Variants in ATG12 observed in about 807,000 individuals in gnomAD.
ATG12 encodes autophagy related 12.
In ATG12, 19 loss-of-function variants were observed where a neutral mutation model predicts 17.6. The ratio of observed to expected loss-of-function variants is 1.08; its 90% CI spans 0.75 to 1.58. The LOEUF (loss-of-function observed/expected upper bound fraction) is 1.58. ATG12 is among the 40% of genes most tolerant of loss of function. The pLI is 0.00. For missense variants in ATG12, 214 were observed against 162.0 expected (o/e 1.32, Z -1.74); for synonymous variants, 75 against 62.4 (o/e 1.20, Z -0.95).
At chr5:115,834,621 T>C (rs1376687226) in intron 2 of ATG12, among the ~76,000 whole-genome samples, 1 of 152,234 alleles carries the variant, frequency 6.6e-6, no homozygotes, top group African/African-American at 2.4e-5. Context: ...GCTCTCTGTC[T>C]AGTGGATTCC....
intron 1 of ATG12, chr5:115,838,068 A>C: frequency 4.3e-6 from 1 of 231,234 alleles, no homozygotes; most frequent in Non-Finnish European, 8.4e-6. Flanking sequence ...GCAAAGTAAA[A>C]TAATGTCATG....
At chr5:115,841,312 G>A in intron 1 of ATG12, 78 bp downstream of exon 1, 3 of 1,582,080 alleles carry the variant, frequency 1.9e-6, no homozygotes, top group Non-Finnish European at 2.6e-6. Context: ...TCTAAATTTT[G>A]CTTCTTTACT....
intron 1 of ATG12, chr5:115,838,009 G>T (rs1267539640): frequency 2.9e-6 from 1 of 347,240 alleles, no homozygotes; most frequent in East Asian, 5.4e-5. Context: ...GTTCCAAAGA[G>T]AGGAAATACA....
At chr5:115,832,969 A>C (rs7705442) in intron 2 of ATG12, 16,288 of 219,146 alleles carry the variant, frequency 0.074, 691 homozygotes, top group Non-Finnish European at 0.096. Context: ...AAGAAATTAC[A>C]TTATCGTAAA....
At chr5:115,833,671 G>C (rs982236340) in intron 2 of ATG12, 1 of 152,190 alleles carries the variant, frequency 6.6e-6, no homozygotes, top group East Asian at 1.9e-4. Flanking sequence ...AGACGTTATT[G>C]TTAAATTATC....
Position 115,832,571 on chromosome 5 carries a change from CTTTTTTTTTTTTTTTTT to C in ATG12, c.363+14_363+30del, listed in dbSNP as rs35310189. 5.0e-6 allele frequency: 4 copies of C among 802,464 alleles called. No individual in the cohort carries two copies. Among genetic ancestry groups the C allele is most frequent in the African/African-American group, 6.5e-5 (2 of 30,836 alleles). The allele number at this position is 802,464 out of a possible 1,614,324, so 49.7% of individuals were successfully genotyped here. On this transcript the variant is annotated intron_variant, in intron 3 of 3. Transcript: ENST00000509910. ...AAGAAAAAAAAGCAGTAATTTCTTTCTTTTTTTTTTTTTTTTTTTTTTTTTTTTACCTCATAGAGAGT... is the reference window on the plus strand; with the variant it reads ...AAGAAAAAAAAGCAGTAATTTCTTTCTTTTTTTTTTTACCTCATAGAGAGT...
Position 115,841,494 on chromosome 5 carries a change from T to C in ATG12, c.59A>G (p.Glu20Gly). The change falls in exon 1 of 4, where the codon GAA becomes GGA. Residue 20 changes from glutamate (E) to glycine (G), a missense_variant. Glu to Gly is a moderately conservative substitution (Grantham distance 98). Transcript: ENST00000509910. ...TTCTGGGGAGACATCCGTAAGTCCTTCCCCTCCAGCAGCAATTGAAGTAGG... is the reference window on the plus strand; with the variant it reads ...TTCTGGGGAGACATCCGTAAGTCCTCCCCCTCCAGCAGCAATTGAAGTAGG... ...QLPTSIAAGG[E>G]GLTDVSPETT... 6.2e-7 allele frequency: 1 copy of C among 1,611,988 alleles called. No homozygotes were observed. Among genetic ancestry groups the C allele is most frequent in the Non-Finnish European group, 8.5e-7 (1 of 1,179,372 alleles).
intron 1 of ATG12, chr5:115,838,564 T>C (rs780132770): frequency 6.6e-6 from 1 of 152,230 alleles, no homozygotes; most frequent in Non-Finnish European, 1.5e-5. Context: ...AGTAGTGACA[T>C]TGTAGGCAAT....
At chr5:115,837,175 T>C (rs572953663) in intron 2 of ATG12, among the ~76,000 whole-genome samples, 93 of 152,314 alleles carry the variant, frequency 6.1e-4, no homozygotes, top group South Asian at 1.2e-3. Flanking sequence ...GTTCACATTG[T>C]AAAACAAATC....
At chr5:115,837,572 G>A (rs1196481722) in intron 2 of ATG12, 56 bp downstream of exon 2, 6 of 1,580,100 alleles carry the variant, frequency 3.8e-6, no homozygotes, top group Non-Finnish European at 5.2e-6. Context: ...TTAATTCACT[G>A]TTGCCTAGGA....
chr5:115,834,597 A>G (rs750426863), intron 2 of ATG12, among the ~76,000 whole-genome samples: 1 of 151,980 alleles, frequency 6.6e-6, no homozygotes, highest in Non-Finnish European at 1.5e-5. Context: ...GTCTCTAGTT[A>G]TTCTGGTTAT....
intron 1 of ATG12, 151 bp downstream of exon 1, chr5:115,841,239 T>C: frequency 1.9e-6 from 2 of 1,076,746 alleles, no homozygotes; most frequent in Non-Finnish European, 2.7e-6. Context: ...GCCTTAAAAA[T>C]CAAAAAGTAC....
Position 115,837,732 on chromosome 5 carries a change from G to A in ATG12, c.196C>T (p.Pro66Ser), listed in dbSNP as rs1365498390. The change falls in exon 2 of 4, where the codon CCT becomes TCT. Residue 66 changes from proline to serine, a missense_variant. Coordinates refer to ENST00000509910, the MANE Select transcript of ATG12 (RefSeq NM_004707.4). ...DILLKAVGDT[P>S]IMKTKKWAVE... is the part of the protein sequence containing the mutation. ...GCCCACTTCTTTGTTTTCATAATAGGAGTGTCTCCCACAGCCTTTAGCAAA... is the reference window on the plus strand; with the variant it reads ...GCCCACTTCTTTGTTTTCATAATAGAAGTGTCTCCCACAGCCTTTAGCAAA... 1.2e-6 allele frequency: 2 copies of A among 1,612,094 alleles called. No individual in the cohort carries two copies. The highest frequency in any genetic ancestry group is 1.7e-5 in the Admixed American group (1 of 59,384).
chr5:115,836,407 A>T (rs1761101753), intron 2 of ATG12, among the ~76,000 whole-genome samples: 1 of 152,154 alleles, frequency 6.6e-6, no homozygotes, highest in African/African-American at 2.4e-5. Context: ...CCAACTCTTC[A>T]TGTTGCATCT....
chr5:115,833,219 T>C (rs986147188), intron 2 of ATG12: 2 of 152,140 alleles, frequency 1.3e-5, no homozygotes, highest in African/African-American at 4.8e-5. Flanking sequence ...TTCAGTTTAG[T>C]CTGTTTTTAC....
chr5:115,830,143 A>C lies in ATG12; in HGVS notation c.*1661T>G, dbSNP rs929238509. 2 of 133,532 alleles carry C rather than the reference A, an allele frequency of 1.5e-5. No individual in the cohort carries two copies. Among genetic ancestry groups the C allele is most frequent in the Admixed American group, 7.6e-5 (1 of 13,182 alleles). The allele number at this position is 133,532 out of a possible 1,614,324, so 8.3% of individuals were successfully genotyped here. A position where few individuals can be genotyped will look rare whatever the true frequency, so the allele number is the denominator to read the frequency against. On this transcript the variant is annotated 3_prime_UTR_variant, in exon 4 of 4. Transcript: ENST00000509910. The stretch of plus-strand genomic sequence containing the variant: ...TTTAAAAAAAAAAAAAAAAAAAAAA[A>C]GTGCAAAGTCCTATGTATTCTTCAG...
At position 115,831,241 on chromosome 5, in the gene ATG12, C is replaced by G. The variant is rs1256792825; in HGVS notation, c.*563G>C. The G allele has an allele frequency of 6.5e-6, 1 of 153,676 alleles. No homozygotes were observed. Among genetic ancestry groups the G allele is most frequent in the East Asian group, 1.9e-4 (1 of 5,214 alleles). The allele number at this position is 153,676 out of a possible 1,614,324, so 9.5% of individuals were successfully genotyped here. A position where few individuals can be genotyped will look rare whatever the true frequency, so the allele number is the denominator to read the frequency against. Reference sequence around the variant, plus strand: ...CTGTCCTATGTGCTTGCTCTCCTGGCTAGATATTAGCTAAAAATTAGCAAA... The same window carrying G: ...CTGTCCTATGTGCTTGCTCTCCTGGGTAGATATTAGCTAAAAATTAGCAAA... On this transcript the variant is annotated 3_prime_UTR_variant, in exon 4 of 4. Coordinates refer to ENST00000509910, the MANE Select transcript of ATG12 (RefSeq NM_004707.4).
intron 2 of ATG12, 91 bp downstream of exon 2, chr5:115,837,537 C>T: frequency 2.3e-6 from 3 of 1,301,292 alleles, no homozygotes; most frequent in Non-Finnish European, 3.3e-6. Flanking sequence ...ATATGTGGCT[C>T]CATATGCATT....
intron 1 of ATG12, chr5:115,840,607 T>C: frequency 7.8e-7 from 1 of 1,279,810 alleles, no homozygotes; most frequent in South Asian, 1.3e-5. Flanking sequence ...CAGAGACCAC[T>C]GTCATCTTAA....
Sources: gnomAD v4.1 joint callset for allele counts (sites outside exome capture counted in the v4.1 genomes callset) on GRCh38, gnomAD v4.1.1 for gene constraint, MANE v1.5 for transcripts, NCBI Gene and HGNC (gene_info 2026-07-23, HGNC 2026-07-21) for gene names.